Variants in COL5A1 observed in about 807,000 individuals in gnomAD.
The protein encoded by COL5A1 is collagen alpha-1(V) chain.
A neutral mutation model predicts 263.7 loss-of-function variants in COL5A1; 16 were observed. That is an observed-to-expected ratio of 0.06 (90% CI 0.04 to 0.09). COL5A1 has a LOEUF of 0.09. Among genes scored for constraint, COL5A1 ranks in the 10% least tolerant of loss-of-function variants. The pLI is 1.00. For missense variants in COL5A1, 2,036 were observed against 2,540.5 expected (o/e 0.80, Z 4.27); for synonymous variants, 1,012 against 1,004.5 (o/e 1.01, Z -0.14).
chr9:134,756,874 T>C, intron 17 of COL5A1, 56 bp downstream of exon 17: 4 of 1,541,510 alleles, frequency 2.6e-6, no homozygotes, highest in Non-Finnish European at 3.6e-6. Flanking sequence ...CCTGGGGTCA[T>C]GTTGATGATG....
At chr9:134,806,344 G>T (rs750236513) in intron 42 of COL5A1, 48 bp downstream of exon 42, 4 of 1,377,150 alleles carry the variant, frequency 2.9e-6, no homozygotes, top group South Asian at 1.3e-5. Flanking sequence ...GAGATGCTGG[G>T]GTCGTTCCGT....
intron 18 of COL5A1, among the ~76,000 whole-genome samples, chr9:134,759,830 C>T (rs900439636): frequency 5.7e-5 from 4 of 70,274 alleles, no homozygotes; most frequent in African/African-American, 7.4e-5. Context: ...ACACCCACAC[C>T]CCCCCACTCA....
chr9:134,734,001 C>T (rs1364377742), intron 9 of COL5A1, among the ~76,000 whole-genome samples: 1 of 152,164 alleles, frequency 6.6e-6, no homozygotes, highest in Non-Finnish European at 1.5e-5. Flanking sequence ...TCGGTTTCCC[C>T]TCCCCGCTCT....
intron 26 of COL5A1, among the ~76,000 whole-genome samples, chr9:134,773,622 C>G (rs72774442): frequency 6.6e-6 from 1 of 152,204 alleles, no homozygotes; most frequent in African/African-American, 2.4e-5. Flanking sequence ...TAACATTTAT[C>G]TCTTGAAGCA....
rs369097200 is a variant in COL5A1, at chr9:134,812,567, C to T, written c.3745-38C>T. On this transcript the variant is annotated intron_variant, in intron 47 of 65. Coordinates refer to ENST00000371817, the MANE Select transcript of COL5A1 (RefSeq NM_000093.5). ...GGCTCATGTTTTGGGGAAACATTTGCGTTTCCTCTGGGCTCAGTGGTCTCT... is the reference window on the plus strand; with the variant it reads ...GGCTCATGTTTTGGGGAAACATTTGTGTTTCCTCTGGGCTCAGTGGTCTCT... 1.0e-4 allele frequency: 163 copies of T among 1,608,288 alleles called. 1 individual carries two copies. The African/African-American group carries it at 1.8e-3, about 18-fold the overall frequency.
chr9:134,649,499 G>A (rs912562488), intron 1 of COL5A1: 10 of 471,092 alleles, frequency 2.1e-5, no homozygotes, highest in Admixed American at 1.2e-4. Flanking sequence ...TCCTAGACCC[G>A]TGTTCTTGTA....
intron 1 of COL5A1, among the ~76,000 whole-genome samples, chr9:134,658,617 TCCGA>T (rs1318681198): frequency 6.6e-6 from 1 of 152,194 alleles, no homozygotes; most frequent in African/African-American, 2.4e-5. Flanking sequence ...GGGGCTATAG[TCCGA>T]GGGCAGTGTG....
chr9:134,690,504 C>T (rs1833240844), intron 1 of COL5A1, among the ~76,000 whole-genome samples: 1 of 152,232 alleles, frequency 6.6e-6, no homozygotes, highest in Admixed American at 6.5e-5. Context: ...GGCTGCTCTC[C>T]TTACGTGGCC....
At chr9:134,685,371 T>TCGCC (rs1588435745) in intron 1 of COL5A1, among the ~76,000 whole-genome samples, 1 of 81,270 alleles carries the variant, frequency 1.2e-5, no homozygotes, top group East Asian at 4.3e-4. Flanking sequence ...CACCATCCAT[T>TCGCC]CACCCATCCA....
intron 7 of COL5A1, 94 bp downstream of exon 7, chr9:134,730,569 C>G: frequency 6.4e-7 from 1 of 1,567,508 alleles, no homozygotes; most frequent in African/African-American, 1.3e-5. Context: ...TACTCCAGTT[C>G]TCACCTTGGT....
intron 11 of COL5A1, among the ~76,000 whole-genome samples, chr9:134,749,742 G>A (rs1206157970): frequency 6.6e-6 from 1 of 152,240 alleles, no homozygotes; most frequent in Non-Finnish European, 1.5e-5. Flanking sequence ...AGGGGGTTAA[G>A]CTCCAGTCTC....
intron 1 of COL5A1, among the ~76,000 whole-genome samples, chr9:134,650,319 G>A (rs115867654): frequency 0.02 from 2,991 of 152,232 alleles, 108 homozygotes; most frequent in African/African-American, 0.069. Flanking sequence ...GGAAGCGACC[G>A]TCTTCCATTC....
intron 1 of COL5A1, among the ~76,000 whole-genome samples, chr9:134,650,412 T>C (rs942606576): frequency 3.3e-5 from 5 of 152,212 alleles, no homozygotes. Flanking sequence ...TGCAAAGACA[T>C]TGGGTGTGTC....
rs986948002 is a variant in COL5A1, at chr9:134,696,329, A to G, written c.278-3580A>G. On this transcript the variant is annotated intron_variant, in intron 2 of 65. Coordinates refer to ENST00000371817, the MANE Select transcript of COL5A1 (RefSeq NM_000093.5). The surrounding 1 kb of genome is among the most constrained non-coding windows in gnomAD (Gnocchi z 4.3). Reference sequence around the variant, plus strand: ...GTTGGGATTACAGGTGTGTGCCACCACACCCGGCTAATTTTTTTTATATTT... The same window carrying G: ...GTTGGGATTACAGGTGTGTGCCACCGCACCCGGCTAATTTTTTTTATATTT... Among the ~76,000 whole-genome samples, 3 of 151,926 alleles carry G rather than the reference A, an allele frequency of 2.0e-5. No individual in the cohort carries two copies. Among genetic ancestry groups the G allele is most frequent in the Non-Finnish European group, 4.4e-5 (3 of 67,986 alleles).
At chr9:134,772,568 A>G (rs527601290) in intron 25 of COL5A1, among the ~76,000 whole-genome samples, 2 of 152,148 alleles carry the variant, frequency 1.3e-5, no homozygotes, top group African/African-American at 4.8e-5. Context: ...TATTGTTCCC[A>G]TTTTGCAGAT....
intron 11 of COL5A1, among the ~76,000 whole-genome samples, chr9:134,740,426 GGCT>G (rs1039757825): frequency 6.6e-6 from 1 of 152,244 alleles, no homozygotes; most frequent in Admixed American, 6.5e-5. Flanking sequence ...CCACAGGTGT[GGCT>G]GGGTTCGTAT....
chr9:134,697,353 T>C (rs567922689), intron 2 of COL5A1, among the ~76,000 whole-genome samples: 103 of 152,246 alleles, frequency 6.8e-4, no homozygotes, highest in African/African-American at 2.1e-3. Context: ...TTTGTTACCA[T>C]AGAGATTTCA....
chr9:134,770,272 A>G (rs1170984639), intron 25 of COL5A1, among the ~76,000 whole-genome samples: 1 of 152,260 alleles, frequency 6.6e-6, no homozygotes, highest in East Asian at 1.9e-4. Context: ...AAAGAAAGGA[A>G]GATTGCCTTA....
In COL5A1 at chr9:134,680,978, TC is replaced by T. The variant is rs1366570778; in HGVS notation, c.110-9931del. Among the ~76,000 whole-genome samples, 1 of 152,170 alleles carries T rather than the reference TC, an allele frequency of 6.6e-6. No individual in the cohort carries two copies. The highest frequency in any genetic ancestry group is 2.4e-5 in the African/African-American group (1 of 41,442). On this transcript the variant is annotated intron_variant, in intron 1 of 65. Coordinates refer to ENST00000371817, the MANE Select transcript of COL5A1 (RefSeq NM_000093.5). This position sits in a 1 kb window ranked among gnomAD's most constrained non-coding sequence, Gnocchi z 5.9. ...GGAGAGGCCGGGCCATCTGCCATCC[TC>T]CCAGGATGGTGTCCTCGGCCTGTGC... is the stretch of plus-strand genomic sequence containing the variant.
Sources: allele counts gnomAD v4.1 joint callset (sites outside exome capture counted in the v4.1 genomes callset), GRCh38; gene constraint gnomAD v4.1.1; non-coding constraint Gnocchi (gnomAD v3.1); transcripts MANE v1.5; gene names NCBI Gene and HGNC (gene_info 2026-07-23, HGNC 2026-07-21).